BABAM2: variants seen among roughly 807,000 people sequenced by gnomAD.
BABAM2 encodes BRISC and BRCA1-A complex member 2.
BABAM2 carries 31 observed loss-of-function variants against 54.7 expected under a neutral mutation model. That is an observed-to-expected ratio of 0.57 (90% CI 0.43 to 0.77). BABAM2 has a LOEUF of 0.77. Among genes scored for constraint, BABAM2 ranks in the 30% least tolerant of loss-of-function variants. The pLI is 0.00. For synonymous variants in BABAM2, 167 were observed against 162.9 expected, an observed-to-expected ratio of 1.03 and a Z score of -0.19; for missense variants, 364 against 455.8, an observed-to-expected ratio of 0.80 and a Z score of 1.83.
intron 7 of BABAM2, among the ~76,000 whole-genome samples, chr2:28,219,136 G>A (rs1032405632): frequency 3.3e-5 from 5 of 152,166 alleles, no homozygotes; most frequent in Non-Finnish European, 7.4e-5. Flanking sequence ...GGTGCCAGTG[G>A]GCCGCATTCC....
chr2:27,969,211 G>A (rs1430481486), intron 3 of BABAM2, among the ~76,000 whole-genome samples: 1 of 152,130 alleles, frequency 6.6e-6, no homozygotes, highest in Non-Finnish European at 1.5e-5. Context: ...TGATTGTGAG[G>A]CTTCCCCAGC....
intron 6 of BABAM2, among the ~76,000 whole-genome samples, chr2:28,120,702 A>G: frequency 6.6e-6 from 1 of 152,248 alleles, no homozygotes; most frequent in East Asian, 1.9e-4. Context: ...CCTGCCCTCA[A>G]GAAATTCACA....
At chr2:27,988,969 C>T (rs2148488232) in intron 4 of BABAM2, among the ~76,000 whole-genome samples, 1 of 152,264 alleles carries the variant, frequency 6.6e-6, no homozygotes, top group East Asian at 1.9e-4. Flanking sequence ...TGCTTCCACC[C>T]TTTAAAGGTA....
At chr2:27,945,324 TG>T (rs1248237046) in intron 3 of BABAM2, among the ~76,000 whole-genome samples, 1 of 152,148 alleles carries the variant, frequency 6.6e-6, no homozygotes, top group East Asian at 1.9e-4. Flanking sequence ...CTACCATGCC[TG>T]GCCTTTGAGC....
At chr2:28,214,399 A>G (rs1679747909) in intron 7 of BABAM2, among the ~76,000 whole-genome samples, 1 of 152,194 alleles carries the variant, frequency 6.6e-6, no homozygotes, top group Non-Finnish European at 1.5e-5. Flanking sequence ...TTGCTGGTAT[A>G]TAGTAATACG....
intron 6 of BABAM2, among the ~76,000 whole-genome samples, chr2:28,108,188 G>T (rs1667692961): frequency 6.6e-6 from 1 of 151,786 alleles, no homozygotes; most frequent in Admixed American, 6.6e-5. Flanking sequence ...ATTTGATTTA[G>T]CAGTAGACCC....
chr2:27,949,041 C>T (rs1485461465), intron 3 of BABAM2, among the ~76,000 whole-genome samples: 12 of 152,134 alleles, frequency 7.9e-5, no homozygotes, highest in Non-Finnish European at 2.9e-5. Flanking sequence ...GAGCTAAGGT[C>T]TGCCTACCCC....
intron 6 of BABAM2, among the ~76,000 whole-genome samples, chr2:28,101,609 C>A (rs761620832): frequency 6.6e-6 from 1 of 152,152 alleles, no homozygotes; most frequent in African/African-American, 2.4e-5. Context: ...TGTGGGGAAC[C>A]TGCAGACCTC....
chr2:28,213,063 C>T (rs1679616476), intron 7 of BABAM2, among the ~76,000 whole-genome samples: 1 of 151,812 alleles, frequency 6.6e-6, no homozygotes, highest in South Asian at 2.1e-4. Context: ...TCTCTACAAA[C>T]AAAAAATACA....
At chr2:28,213,960 A>AG (rs376595787) in intron 7 of BABAM2, among the ~76,000 whole-genome samples, 6 of 151,432 alleles carry the variant, frequency 4.0e-5, no homozygotes, top group Non-Finnish European at 8.8e-5. Context: ...AAAAAAAAAA[A>AG]CAGCACTTTT....
chr2:28,223,057 T>G (rs1203676889), intron 7 of BABAM2, among the ~76,000 whole-genome samples: 1 of 152,226 alleles, frequency 6.6e-6, no homozygotes, highest in African/African-American at 2.4e-5. Context: ...AAGATGCAGG[T>G]AAATAAATTA....
intron 4 of BABAM2, among the ~76,000 whole-genome samples, chr2:28,021,920 C>G (rs886200790): frequency 6.6e-5 from 10 of 152,088 alleles, no homozygotes; most frequent in Non-Finnish European, 1.3e-4. Flanking sequence ...TTATAGGTAT[C>G]CTCGCGCATG....
chr2:27,996,210 T>C (rs1182523246), intron 4 of BABAM2, among the ~76,000 whole-genome samples: 1 of 152,222 alleles, frequency 6.6e-6, no homozygotes, highest in African/African-American at 2.4e-5. Flanking sequence ...GATAACGCAG[T>C]CTTCTTCCAG....
intron 6 of BABAM2, among the ~76,000 whole-genome samples, chr2:28,071,291 C>T (rs1042351685): frequency 1.3e-5 from 2 of 151,956 alleles, no homozygotes; most frequent in Admixed American, 6.6e-5. Flanking sequence ...TTTTTCTTAT[C>T]GTTTTGTTAT....
At chr2:28,068,510 A>G (rs766953485) in intron 6 of BABAM2, among the ~76,000 whole-genome samples, 70 of 152,338 alleles carry the variant, frequency 4.6e-4, no homozygotes, top group Non-Finnish European at 9.3e-4. Context: ...ACAATTTGAT[A>G]TTAGTTTAAT....
At chr2:28,216,410 G>C (rs1679919644) in intron 7 of BABAM2, among the ~76,000 whole-genome samples, 1 of 152,214 alleles carries the variant, frequency 6.6e-6, no homozygotes, top group African/African-American at 2.4e-5. Context: ...CCAACTGGTA[G>C]AGGATTGCAA....
chr2:28,250,761 G>A (rs769352724), intron 10 of BABAM2, among the ~76,000 whole-genome samples: 10 of 151,626 alleles, frequency 6.6e-5, no homozygotes, highest in Admixed American at 4.6e-4. Context: ...CACCACTCCC[G>A]GCTAATTTTT....
intron 3 of BABAM2, among the ~76,000 whole-genome samples, chr2:27,957,973 C>T (rs1259492371): frequency 6.6e-6 from 1 of 152,158 alleles, no homozygotes; most frequent in Non-Finnish European, 1.5e-5. Context: ...GAAGAGGCCA[C>T]ATGTAGGTGC....
chr2:28,008,848 C>T (rs1332382014), intron 4 of BABAM2, among the ~76,000 whole-genome samples: 1 of 152,072 alleles, frequency 6.6e-6, no homozygotes, highest in African/African-American at 2.4e-5. Flanking sequence ...CAGAAAGGAG[C>T]AAGAGTGATG....
Sources: allele counts gnomAD v4.1 joint callset (sites outside exome capture counted in the v4.1 genomes callset), GRCh38; gene constraint gnomAD v4.1.1; transcripts MANE v1.5; gene names NCBI Gene and HGNC (gene_info 2026-07-23, HGNC 2026-07-21).